The following SSPN variants were observed in gnomAD, a reference collection of about 807,000 sequenced individuals.
The protein encoded by SSPN is sarcospan.
Under a neutral mutation model 19.1 loss-of-function variants are expected in SSPN, and 15 were observed. The observed-to-expected ratio is 0.78, with a 90% confidence interval of 0.52 to 1.21. The LOEUF is 1.21. Ranked by LOEUF, SSPN falls within the 50% of genes most tolerant of loss-of-function variation. The pLI, the probability that SSPN is intolerant of heterozygous loss-of-function variation, is 0.00. For synonymous variants in SSPN, 147 were observed against 140.3 expected, an observed-to-expected ratio of 1.05 and a Z score of -0.34; for missense variants, 291 against 314.0, an observed-to-expected ratio of 0.93 and a Z score of 0.55.
At chr12:26,169,593 ATT>A (rs558232172) in intron 1 of SSPN, among the ~76,000 whole-genome samples, 46,539 of 120,384 alleles carry the variant, frequency 0.39, 8,164 homozygotes, top group African/African-American at 0.56. Flanking sequence ...ATATATATAT[ATT>A]TTTTTTTCTT....
intron 1 of SSPN, chr12:26,211,566 C>T (rs1944986358): frequency 1.3e-5 from 2 of 152,328 alleles, no homozygotes; most frequent in South Asian, 4.1e-4. Flanking sequence ...TCAAAGAAAG[C>T]ACACTATATC....
At chr12:26,182,895 T>C (rs1944729082) in intron 1 of SSPN, among the ~76,000 whole-genome samples, 1 of 151,862 alleles carries the variant, frequency 6.6e-6, no homozygotes, top group Non-Finnish European at 1.5e-5. Flanking sequence ...CCCGAGTAGC[T>C]GGGATTACAG....
At chr12:26,149,984 T>C (rs78294235) in intron 1 of SSPN, among the ~76,000 whole-genome samples, 5,899 of 152,306 alleles carry the variant, frequency 0.039, 147 homozygotes, top group South Asian at 0.069. Context: ...CAATACTTCC[T>C]CACATCTTCT....
intron 1 of SSPN, among the ~76,000 whole-genome samples, chr12:26,151,694 G>T (rs1355061490): frequency 6.6e-6 from 1 of 152,096 alleles, no homozygotes; most frequent in Non-Finnish European, 1.5e-5. Context: ...CCCTCAGCAT[G>T]CATAAAGGTT....
intron 1 of SSPN, among the ~76,000 whole-genome samples, chr12:26,149,526 G>A (rs1944512697): frequency 6.6e-6 from 1 of 152,178 alleles, no homozygotes; most frequent in African/African-American, 2.4e-5. Flanking sequence ...TGTGGCAAGT[G>A]ACTTCACCTT....
chr12:26,214,900 A>AAT (rs1555180850), intron 1 of SSPN: 2 of 152,212 alleles, frequency 1.3e-5, no homozygotes, highest in East Asian at 3.8e-4. Context: ...CTTTAAAAAA[A>AAT]AACACATTGG....
chr12:26,162,973 G>A (rs1460132556), intron 1 of SSPN, among the ~76,000 whole-genome samples: 2 of 151,328 alleles, frequency 1.3e-5, no homozygotes, highest in African/African-American at 4.9e-5. Flanking sequence ...CGAGAAGTTA[G>A]GAGAAGAGGA....
At chr12:26,168,383 A>G (rs984807608) in intron 1 of SSPN, among the ~76,000 whole-genome samples, 1 of 152,164 alleles carries the variant, frequency 6.6e-6, no homozygotes, top group Admixed American at 6.5e-5. Context: ...CAAACGGGCA[A>G]TCCACCCCGC....
intron 1 of SSPN, among the ~76,000 whole-genome samples, chr12:26,176,711 T>C (rs559190906): frequency 1.3e-5 from 2 of 152,366 alleles, no homozygotes; most frequent in South Asian, 4.1e-4. Context: ...CTTTGTCCTC[T>C]AACATGGGAA....
chr12:26,201,046 T>TTATATATATATATATATAAAA (rs1555179575), intron 1 of SSPN, among the ~76,000 whole-genome samples: 1 of 77,212 alleles, frequency 1.3e-5, no homozygotes, highest in African/African-American at 5.3e-5. Flanking sequence ...TATATATATA[T>TTATATATATATATATATAAAA]TATATATATA....
At chr12:26,197,353 T>C (rs1944839178) in intron 1 of SSPN, among the ~76,000 whole-genome samples, 1 of 152,224 alleles carries the variant, frequency 6.6e-6, no homozygotes. Context: ...ATTACCATGA[T>C]TGGAGTTTTC....
At chr12:26,124,508 C>CT (rs753117602) in intron 1 of SSPN, 14 of 1,613,422 alleles carry the variant, frequency 8.7e-6, no homozygotes, top group Admixed American at 5.0e-5. Context: ...ATATCGGGAA[C>CT]TTACACTTAC....
At chr12:26,185,886 G>T (rs995804425) in intron 1 of SSPN, among the ~76,000 whole-genome samples, 2 of 152,132 alleles carry the variant, frequency 1.3e-5, no homozygotes, top group African/African-American at 4.8e-5. Context: ...CTGATTATGT[G>T]TCTGTCTCCC....
intron 1 of SSPN, among the ~76,000 whole-genome samples, chr12:26,140,621 GT>G (rs1237573729): frequency 2.0e-4 from 30 of 152,286 alleles, no homozygotes; most frequent in African/African-American, 6.7e-4. Flanking sequence ...TATTGGGTGA[GT>G]TGTCATGAGA....
rs563509667 is a variant in SSPN at position 26,122,169 on chromosome 12, G to T, written c.-31+17G>T. 1.8e-5 allele frequency: 27 copies of T among 1,508,688 alleles called. 1 individual carries two copies. The African/African-American group carries it at 3.3e-4, about 18-fold the overall frequency. The allele number at this position is 1,508,688 out of a possible 1,614,324, so 93.5% of individuals were successfully genotyped here. On this transcript the variant is annotated intron_variant, in intron 1 of 2. Coordinates refer to the SSPN transcript ENST00000538142. ...GAAGGGCAGGTGGGTGCGGCCGTGC[G>T]GGTGCTGGGGGTGCGGCGCCCCAAG...
At chr12:26,221,591 A>G (rs1052035010) in intron 1 of SSPN, among the ~76,000 whole-genome samples, 7 of 142,986 alleles carry the variant, frequency 4.9e-5, no homozygotes, top group South Asian at 4.4e-4. Context: ...AATGAAGGCT[A>G]CAAAGAAGTA....
intron 1 of SSPN, among the ~76,000 whole-genome samples, chr12:26,203,234 T>C (rs1483510782): frequency 6.6e-6 from 1 of 152,300 alleles, no homozygotes; most frequent in Non-Finnish European, 1.5e-5. Flanking sequence ...GTCATTAAAC[T>C]TTAATTAGGT....
rs201140295 is a variant in SSPN at position 26,214,485 on chromosome 12, AG to A, written c.280-9806del. Among the ~76,000 whole-genome samples the A allele has an allele frequency of 8.7e-4, 133 of 152,326 alleles. 1 individual carries two copies. In the East Asian group the frequency reaches 0.024, roughly 28 times the overall value. ...CATGACATTATTGTCTCCATTTTAT[AG>A]GTAGGGAAACTGAGGCTAAAAACAA... On this transcript the variant is annotated intron_variant, in intron 1 of 2. Transcript: ENST00000242729.
At chr12:26,168,214 G>GAAA (rs60365188) in intron 1 of SSPN, among the ~76,000 whole-genome samples, 3 of 117,554 alleles carry the variant, frequency 2.6e-5, no homozygotes, top group African/African-American at 9.7e-5. Context: ...CCCTGTCTCA[G>GAAA]AAAAAAAAAA....
Sources: allele counts gnomAD v4.1 joint callset (sites outside exome capture counted in the v4.1 genomes callset), GRCh38; gene constraint gnomAD v4.1.1; transcripts MANE v1.5; gene names NCBI Gene and HGNC (gene_info 2026-07-23, HGNC 2026-07-21).